The following UBA2 variants were observed in gnomAD, a reference collection of about 807,000 sequenced individuals.
The protein encoded by UBA2 is SUMO-activating enzyme subunit 2.
In UBA2, 11 loss-of-function variants were observed where a neutral mutation model predicts 77.2. The observed-to-expected ratio is 0.14, with a 90% CI of 0.09 to 0.24. The LOEUF is 0.24. Ranked by LOEUF, UBA2 falls within the 10% of genes least tolerant of loss-of-function variation. The pLI, the probability that UBA2 is intolerant of heterozygous loss-of-function variation, is 1.00. For synonymous variants in UBA2, 278 were observed against 276.7 expected (o/e 1.00, Z -0.05); for missense variants, 487 against 781.7 (o/e 0.62, Z 4.50).
intron 6 of UBA2, among the ~76,000 whole-genome samples, chr19:34,441,446 C>T (rs1445517972): frequency 6.6e-6 from 1 of 151,436 alleles, no homozygotes; most frequent in Non-Finnish European, 1.5e-5. Flanking sequence ...CAGAGCGATA[C>T]TCCGTCTCAA....
intron 12 of UBA2, among the ~76,000 whole-genome samples, chr19:34,458,503 G>C (rs1202506324): frequency 1.4e-5 from 2 of 142,868 alleles, no homozygotes; most frequent in East Asian, 2.0e-4. Context: ...GGAGCCTGCA[G>C]TGAGCCGAGA....
At chr19:34,434,154 G>T (rs1444666072) in intron 4 of UBA2, among the ~76,000 whole-genome samples, 1 of 152,128 alleles carries the variant, frequency 6.6e-6, no homozygotes, top group Non-Finnish European at 1.5e-5. Flanking sequence ...TCTCACTGTT[G>T]CCCAGACTAG....
Position 34,452,021 on chromosome 19 carries a change from G to C in UBA2, c.912G>C (p.Gln304His). 1 of 1,604,680 alleles carries C rather than the reference G, an allele frequency of 6.2e-7. No individual in the cohort carries two copies. Among genetic ancestry groups the C allele is most frequent in the Non-Finnish European group, 8.5e-7 (1 of 1,174,240 alleles). Residue 304 changes from glutamine (Q) to histidine (H), a missense_variant, in exon 10 of 17, where the codon CAG (glutamine) becomes CAC (histidine). By Grantham distance (24) the Gln-to-His change is conservative. Coordinates refer to ENST00000246548, the MANE Select transcript of UBA2 (RefSeq NM_005499.3). ...TNASDQQNEP[Q>H]LGLKDQQVLD... is the part of the protein sequence containing the mutation. ...CATCAGATCAACAGAATGAACCCCAGTTAGGCCTGAAAGACCAGCAGGTTC... is the reference window on the plus strand; with the variant it reads ...CATCAGATCAACAGAATGAACCCCACTTAGGCCTGAAAGACCAGCAGGTTC...
intron 8 of UBA2, among the ~76,000 whole-genome samples, chr19:34,448,591 T>G (rs953783250): frequency 3.3e-5 from 5 of 152,060 alleles, no homozygotes; most frequent in African/African-American, 1.2e-4. Context: ...AGAACAGAGG[T>G]GCTGTTCTCC....
chr19:34,428,771 C>T (rs910804366), intron 1 of UBA2: 14 of 1,135,280 alleles, frequency 1.2e-5, no homozygotes, highest in African/African-American at 1.6e-5. Flanking sequence ...GGCCTCCGCT[C>T]GCTGGGCCGG....
intron 15 of UBA2, among the ~76,000 whole-genome samples, chr19:34,465,562 G>A (rs114382700): frequency 0.012 from 1,760 of 151,858 alleles, 31 homozygotes; most frequent in African/African-American, 0.041. Context: ...GTTTGAACCG[G>A]GGAGCCGAGT....
At chr19:34,457,888 TA>T (rs1444023389) in intron 12 of UBA2, among the ~76,000 whole-genome samples, 2 of 152,228 alleles carry the variant, frequency 1.3e-5, no homozygotes, top group African/African-American at 4.8e-5. Context: ...GGTTCTTAAT[TA>T]TTTTTTTGTT....
At chr19:34,468,755 T>C (rs1039854744) in intron 16 of UBA2, among the ~76,000 whole-genome samples, 2 of 152,276 alleles carry the variant, frequency 1.3e-5, no homozygotes. Context: ...ATGTACCCTC[T>C]GCTTTTCTAT....
intron 9 of UBA2, among the ~76,000 whole-genome samples, chr19:34,450,897 G>T (rs527546131): frequency 6.6e-6 from 1 of 151,628 alleles, no homozygotes; most frequent in South Asian, 2.1e-4. Flanking sequence ...GAGCCACTGC[G>T]CCTAGCCTAT....
In UBA2 at chr19:34,428,550, G is replaced by A. The variant is rs1183678764; in HGVS notation, c.118G>A (p.Gly40Ser). The A allele has an allele frequency of 7.6e-7, 1 of 1,307,714 alleles. No homozygotes were observed. The highest frequency in any genetic ancestry group is 9.8e-7 in the Non-Finnish European group (1 of 1,019,812). 81.0% of individuals were successfully genotyped at this position (1,307,714 alleles called of 1,614,324 possible). A position where few individuals can be genotyped will look rare whatever the true frequency, so the allele number is the denominator to read the frequency against. ...CELLKNLVLT[G>S]FSHIDLIDLD... is the part of the protein sequence containing the mutation. Reference sequence around the variant, plus strand: ...GCTCCTCAAGAATCTCGTGCTCACCGGTTTCTCCCACATCGACCTGGTGAG... The same window carrying A: ...GCTCCTCAAGAATCTCGTGCTCACCAGTTTCTCCCACATCGACCTGGTGAG... The change falls in exon 1 of 17, where the codon GGT (glycine) becomes AGT (serine). Residue 40 changes from glycine (G) to serine (S), a missense_variant. This residue lies in a region of UBA2 where 19 missense variants were observed against 17.7 expected (regional missense o/e 1.07). Coordinates refer to ENST00000246548, the MANE Select transcript of UBA2 (RefSeq NM_005499.3).
At chr19:34,428,802 G>A (rs1278713551) in intron 1 of UBA2, 2 of 1,151,282 alleles carry the variant, frequency 1.7e-6, no homozygotes, top group African/African-American at 1.6e-5. Flanking sequence ...CGAGGAGGCC[G>A]CGGGCCCCCG....
At chr19:34,462,107 G>A (rs1035564879) in intron 14 of UBA2, among the ~76,000 whole-genome samples, 1 of 152,156 alleles carries the variant, frequency 6.6e-6, no homozygotes, top group African/African-American at 2.4e-5. Flanking sequence ...TGTCACATGT[G>A]CAGTGTGTGT....
Position 34,449,876 on chromosome 19 carries a change from A to G in UBA2, c.772-389A>G, listed in dbSNP as rs555308500. Reference sequence around the variant, plus strand: ...GGAGGCATTGCTGACTGGCATCCCTAGGCTCAGTGATTGTCTGTAGTTGTA... The same window carrying G: ...GGAGGCATTGCTGACTGGCATCCCTGGGCTCAGTGATTGTCTGTAGTTGTA... On this transcript the variant is annotated intron_variant, in intron 8 of 16. Coordinates refer to ENST00000246548, the MANE Select transcript of UBA2 (RefSeq NM_005499.3). Among the ~76,000 whole-genome samples the G allele has an allele frequency of 3.9e-5, 6 of 152,288 alleles. No individual in the cohort carries two copies. In the South Asian group the frequency reaches 1.2e-3, roughly 32 times the overall value.
chr19:34,447,363 C>CTTTT (rs1438059033), intron 8 of UBA2, among the ~76,000 whole-genome samples: 1 of 152,174 alleles, frequency 6.6e-6, no homozygotes, highest in East Asian at 1.9e-4. Context: ...AAGACCAGTA[C>CTTTT]TTTGCATCTT....
chr19:34,463,345 T>C (rs2075652595), intron 14 of UBA2, among the ~76,000 whole-genome samples: 1 of 152,202 alleles, frequency 6.6e-6, no homozygotes, highest in Non-Finnish European at 1.5e-5. Flanking sequence ...AGCGTTTTAA[T>C]GTTTTAGGGT....
chr19:34,441,941 A>C (rs2075374652), intron 6 of UBA2, among the ~76,000 whole-genome samples: 1 of 151,734 alleles, frequency 6.6e-6, no homozygotes, highest in South Asian at 2.1e-4. Context: ...AAAAAAAAAA[A>C]AAAGATAATG....
In UBA2 at chr19:34,445,093, G is replaced by T; in HGVS notation, c.743G>T (p.Gly248Val). 6.2e-7 allele frequency: 1 copy of T among 1,611,736 alleles called. No homozygotes were observed. The highest frequency in any genetic ancestry group is 8.5e-7 in the Non-Finnish European group (1 of 1,179,332). The change falls in exon 8 of 17, where the codon GGA becomes GTA. Residue 248 changes from glycine (G) to valine (V), a missense_variant. Gly to Val is a moderately radical substitution (Grantham distance 109). This residue lies in a region of UBA2 where 300 missense variants were observed against 454.3 expected (regional missense o/e 0.66). Coordinates refer to ENST00000246548, the MANE Select transcript of UBA2 (RefSeq NM_005499.3). ...ACTAAGGAATGGGCTAAATCAACTG[G>T]ATATGATCCAGTTAAACTTTTTACC... ...ISTKEWAKSTGYDPVKLFTKL... is the reference protein window; with the variant it reads ...ISTKEWAKSTVYDPVKLFTKL...
At chr19:34,434,670 T>C (rs765609004) in intron 4 of UBA2, among the ~76,000 whole-genome samples, 198 bp from the exon 5 acceptor site, 1 of 152,236 alleles carries the variant, frequency 6.6e-6, no homozygotes, top group Non-Finnish European at 1.5e-5. Flanking sequence ...AAATTTGTGA[T>C]ATAAATTCTA....
At chr19:34,457,908 G>C (rs2145555688) in intron 12 of UBA2, among the ~76,000 whole-genome samples, 1 of 152,238 alleles carries the variant, frequency 6.6e-6, no homozygotes, top group African/African-American at 2.4e-5. Flanking sequence ...TTTAGTATTA[G>C]AGAAATGGTA....
Sources: allele counts gnomAD v4.1 joint callset (sites outside exome capture counted in the v4.1 genomes callset), GRCh38; gene constraint gnomAD v4.1.1; regional missense constraint gnomAD v4.1.1; transcripts MANE v1.5; gene names NCBI Gene and HGNC (gene_info 2026-07-23, HGNC 2026-07-21).